TMEM14A: variants seen among roughly 807,000 people sequenced by gnomAD.
TMEM14A encodes transmembrane protein 14A.
In TMEM14A, 8 loss-of-function variants were observed where a neutral mutation model predicts 11.6. The ratio of observed to expected loss-of-function variants is 0.69; its 90% CI spans 0.40 to 1.24. The LOEUF (loss-of-function observed/expected upper bound fraction) is 1.24. TMEM14A is among the 50% of genes most tolerant of loss of function. TMEM14A has a pLI of 0.01. For synonymous variants in TMEM14A, 34 were observed against 45.5 expected (o/e 0.75, Z 1.02); for missense variants, 108 against 121.9 (o/e 0.89, Z 0.54).
At chr6:52,680,704 T>TATATATATACATATATATATACAC (rs371102796) in intron 2 of TMEM14A, among the ~76,000 whole-genome samples, 1 of 51,102 alleles carries the variant, frequency 2.0e-5, no homozygotes, top group Non-Finnish European at 4.4e-5. Context: ...TATATATATA[T>TATATATATACATATATATATACAC]ACACATATAT....
chr6:52,682,980 T>G (rs1215647838), intron 3 of TMEM14A, among the ~76,000 whole-genome samples: 2 of 152,218 alleles, frequency 1.3e-5, no homozygotes, highest in African/African-American at 4.8e-5. Flanking sequence ...TTTAGTATTT[T>G]TTTTTTATTA....
At chr6:52,673,555 G>A (rs2127261365) in intron 1 of TMEM14A, among the ~76,000 whole-genome samples, 1 of 152,196 alleles carries the variant, frequency 6.6e-6, no homozygotes, top group South Asian at 2.1e-4. Flanking sequence ...TAGGGGTTTG[G>A]CACAACATCT....
At chr6:52,681,388 C>T (rs1455961704) in intron 2 of TMEM14A, among the ~76,000 whole-genome samples, 1 of 152,144 alleles carries the variant, frequency 6.6e-6, no homozygotes, top group Non-Finnish European at 1.5e-5. Context: ...GTCTTTACCT[C>T]TATAAACTAA....
chr6:52,685,164 C>G (rs1471098531), intron 4 of TMEM14A, among the ~76,000 whole-genome samples: 1 of 152,130 alleles, frequency 6.6e-6, no homozygotes, highest in African/African-American at 2.4e-5. Context: ...GTTCCTCTTT[C>G]TACTTTTGTG....
At chr6:52,684,818 A>G (rs1158937148) in intron 4 of TMEM14A, among the ~76,000 whole-genome samples, 4 of 152,244 alleles carry the variant, frequency 2.6e-5, no homozygotes, top group African/African-American at 9.6e-5. Flanking sequence ...AAGCAGTGAG[A>G]TATGCACAAA....
At chr6:52,681,677 T>C in intron 2 of TMEM14A, 136 bp from the exon 3 acceptor site, 1 of 699,704 alleles carries the variant, frequency 1.4e-6, no homozygotes, top group Non-Finnish European at 2.4e-6. Flanking sequence ...AGGCCTATTC[T>C]TAATTTGGCT....
intron 3 of TMEM14A, among the ~76,000 whole-genome samples, chr6:52,682,256 C>T (rs1769404551): frequency 6.6e-6 from 1 of 152,234 alleles, no homozygotes; most frequent in Non-Finnish European, 1.5e-5. Context: ...AAAAAAGAGA[C>T]AGCCTTGCAT....
intron 3 of TMEM14A, 45 bp downstream of exon 3, chr6:52,681,959 G>A: frequency 1.9e-6 from 3 of 1,540,464 alleles, no homozygotes; most frequent in Non-Finnish European, 2.7e-6. Flanking sequence ...AAACATTGGA[G>A]GTGATCTTTT....
rs1435205947 is a variant in TMEM14A, at chr6:52,686,095, TG to T, written c.*49del. 1 of 1,541,530 alleles carries T rather than the reference TG, an allele frequency of 6.5e-7. No homozygotes were observed. Among genetic ancestry groups the T allele is most frequent in the Admixed American group, 2.1e-5 (1 of 48,600 alleles). On this transcript the variant is annotated 3_prime_UTR_variant, in exon 5 of 5. Transcript: ENST00000211314. ...CTAAGTTCATGTCATCCTGCTGTAA[TG>T]GGCAGAGCATATTTTTTTTGTATTT...
chr6:52,679,475 C>T (rs972737237), intron 2 of TMEM14A, among the ~76,000 whole-genome samples: 3 of 152,158 alleles, frequency 2.0e-5, no homozygotes, highest in African/African-American at 7.2e-5. Flanking sequence ...GCTGGGCAGG[C>T]TGCTATTTGG....
At chr6:52,676,553 G>A (rs1344639165) in intron 1 of TMEM14A, among the ~76,000 whole-genome samples, 1 of 152,158 alleles carries the variant, frequency 6.6e-6, no homozygotes, top group African/African-American at 2.4e-5. Flanking sequence ...ATGCCTGGCC[G>A]AACTTCCCTT....
intron 2 of TMEM14A, among the ~76,000 whole-genome samples, chr6:52,677,502 G>A (rs753618870): frequency 2.0e-5 from 3 of 149,258 alleles, no homozygotes; most frequent in Non-Finnish European, 4.4e-5. Context: ...TTACATAATC[G>A]TGGTACCAAA....
At chr6:52,672,872 T>A (rs1204116444) in intron 1 of TMEM14A, among the ~76,000 whole-genome samples, 1 of 152,208 alleles carries the variant, frequency 6.6e-6, no homozygotes, top group African/African-American at 2.4e-5. Context: ...CTACTGCAAC[T>A]GGGAAGTGCT....
At chr6:52,677,763 T>A (rs766566141) in intron 2 of TMEM14A, among the ~76,000 whole-genome samples, 24 of 152,236 alleles carry the variant, frequency 1.6e-4, no homozygotes, top group African/African-American at 5.8e-4. Context: ...GTCATCTTTC[T>A]GACAAACTGT....
intron 2 of TMEM14A, 25 bp from the exon 3 acceptor site, chr6:52,681,788 A>T (rs747121656): frequency 6.7e-5 from 106 of 1,583,186 alleles, no homozygotes; most frequent in Non-Finnish European, 8.3e-5. Flanking sequence ...TCTCTTTGTG[A>T]TCTCATATTT....
At chr6:52,683,695 T>G (rs1370575264) in intron 3 of TMEM14A, among the ~76,000 whole-genome samples, 1 of 151,734 alleles carries the variant, frequency 6.6e-6, no homozygotes, top group Non-Finnish European at 1.5e-5. Context: ...CACCACAACC[T>G]CTGCCTCCCC....
intron 4 of TMEM14A, 78 bp downstream of exon 4, chr6:52,684,243 A>G: frequency 7.7e-7 from 1 of 1,298,476 alleles, no homozygotes. Context: ...CATCAATTTT[A>G]ATTTGAAAGA....
Position 52,686,329 on chromosome 6 carries a change from A to G in TMEM14A, c.*280A>G. 5.1e-6 allele frequency: 2 copies of G among 395,586 alleles called. No individual in the cohort carries two copies. Among genetic ancestry groups the G allele is most frequent in the Non-Finnish European group, 4.5e-6 (1 of 223,446 alleles). The allele number at this position is 395,586 out of a possible 1,614,324, so 24.5% of individuals were successfully genotyped here. ...TTTTTTATATATTTGGTATTTTTTG[A>G]AAATTCCAAATACTCATGTCTCAAG... On this transcript the variant is annotated 3_prime_UTR_variant, in exon 5 of 5. Coordinates refer to ENST00000211314, the MANE Select transcript of TMEM14A (RefSeq NM_014051.4).
chr6:52,674,827 C>A (rs1260429876), intron 1 of TMEM14A, among the ~76,000 whole-genome samples: 1 of 152,048 alleles, frequency 6.6e-6, no homozygotes, highest in Admixed American at 6.6e-5. Flanking sequence ...CTTCCCTCCC[C>A]CATACCCTTC....
Sources: allele counts gnomAD v4.1 joint callset (sites outside exome capture counted in the v4.1 genomes callset), GRCh38; gene constraint gnomAD v4.1.1; transcripts MANE v1.5; gene names NCBI Gene and HGNC (gene_info 2026-07-23, HGNC 2026-07-21).